CTDSPL: variants seen among roughly 807,000 people sequenced by gnomAD.
CTDSPL encodes the protein CTD small phosphatase like, also known as CTD small phosphatase-like protein.
CTDSPL carries 8 observed loss-of-function variants against 30.5 expected under a neutral mutation model. That is an observed-to-expected ratio of 0.26 (90% CI 0.15 to 0.47). The LOEUF is 0.47. Among genes scored for constraint, CTDSPL ranks in the 20% least tolerant of loss-of-function variants. CTDSPL has a pLI of 0.99. For missense variants in CTDSPL, 248 were observed against 366.1 expected, an observed-to-expected ratio of 0.68 and a Z score of 2.63; for synonymous variants, 110 against 137.9, an observed-to-expected ratio of 0.80 and a Z score of 1.42.
intron 1 of CTDSPL, among the ~76,000 whole-genome samples, chr3:37,903,494 T>G (rs1410254337): frequency 6.6e-6 from 1 of 152,162 alleles, no homozygotes; most frequent in Admixed American, 6.5e-5. Flanking sequence ...GAACTTATGT[T>G]CATTGACCAG....
chr3:37,926,512 A>G (rs2125612922), intron 1 of CTDSPL, among the ~76,000 whole-genome samples: 1 of 152,322 alleles, frequency 6.6e-6, no homozygotes, highest in Non-Finnish European at 1.5e-5. Context: ...GGAGGTGATT[A>G]TTCCTTTATT....
chr3:37,931,382 C>T (rs1698853576), intron 1 of CTDSPL, among the ~76,000 whole-genome samples: 2 of 152,076 alleles, frequency 1.3e-5, no homozygotes, highest in Admixed American at 6.6e-5. Flanking sequence ...CTCCTGGCCT[C>T]AAGTGAGCCT....
chr3:37,930,605 TAGATAA>T, intron 1 of CTDSPL, among the ~76,000 whole-genome samples: 1 of 152,282 alleles, frequency 6.6e-6, no homozygotes, highest in Non-Finnish European at 1.5e-5. Context: ...CCACCACACT[TAGATAA>T]TTAGTCTCTT....
intron 1 of CTDSPL, among the ~76,000 whole-genome samples, chr3:37,944,388 CT>C (rs2125621215): frequency 6.6e-6 from 1 of 150,424 alleles, no homozygotes; most frequent in East Asian, 1.9e-4. Context: ...GTCCATTAAA[CT>C]GAATTTTTAT....
intron 1 of CTDSPL, among the ~76,000 whole-genome samples, chr3:37,928,092 A>G (rs1698806351): frequency 6.6e-6 from 1 of 152,186 alleles, no homozygotes; most frequent in African/African-American, 2.4e-5. Flanking sequence ...TTTGAGGCTG[A>G]ATAATATTCC....
At chr3:37,929,138 T>C (rs768075771) in intron 1 of CTDSPL, among the ~76,000 whole-genome samples, 52 of 152,352 alleles carry the variant, frequency 3.4e-4, no homozygotes, top group Middle Eastern at 3.4e-3. Flanking sequence ...TTGGTCTATG[T>C]GTCTGTCTTT....
chr3:37,881,413 C>T, intron 1 of CTDSPL, among the ~76,000 whole-genome samples: 1 of 152,106 alleles, frequency 6.6e-6, no homozygotes, highest in East Asian at 1.9e-4. Context: ...CCTGTAATCC[C>T]AGCTACTCGG....
intron 1 of CTDSPL, among the ~76,000 whole-genome samples, chr3:37,884,953 G>C (rs926735275): frequency 6.6e-6 from 1 of 152,134 alleles, no homozygotes; most frequent in African/African-American, 2.4e-5. Flanking sequence ...GGATTTGATG[G>C]GGTGTGGGCA....
At chr3:37,918,112 A>G (rs1446827979) in intron 1 of CTDSPL, among the ~76,000 whole-genome samples, 3 of 152,200 alleles carry the variant, frequency 2.0e-5, no homozygotes, top group Non-Finnish European at 4.4e-5. Flanking sequence ...CATATGCTAA[A>G]TAAACCCAGT....
chr3:37,913,129 TGGGCAACA>T (rs1698602308), intron 1 of CTDSPL, among the ~76,000 whole-genome samples: 1 of 152,130 alleles, frequency 6.6e-6, no homozygotes, highest in African/African-American at 2.4e-5. Context: ...GAGACCAGCC[TGGGCAACA>T]TGGCAAAACC....
chr3:37,867,272 G>A (rs1182472490), intron 1 of CTDSPL, among the ~76,000 whole-genome samples: 2 of 152,062 alleles, frequency 1.3e-5, no homozygotes, highest in African/African-American at 4.8e-5. Flanking sequence ...ATTCATCCAG[G>A]TTGTTCCTTG....
intron 6 of CTDSPL, among the ~76,000 whole-genome samples, chr3:37,973,903 G>C (rs1446064344): frequency 3.3e-5 from 5 of 152,250 alleles, no homozygotes; most frequent in Non-Finnish European, 7.3e-5. Flanking sequence ...GCTACCACAA[G>C]TGTTCATGAT....
intron 1 of CTDSPL, among the ~76,000 whole-genome samples, chr3:37,896,360 G>A (rs994989539): frequency 2.0e-5 from 3 of 152,088 alleles, no homozygotes; most frequent in Non-Finnish European, 2.9e-5. Flanking sequence ...CCAAGGGGGC[G>A]GAAGGATATC....
At chr3:37,967,922 T>C in intron 5 of CTDSPL, 40 bp downstream of exon 5, 1 of 1,333,616 alleles carries the variant, frequency 7.5e-7, no homozygotes, top group Non-Finnish European at 1.1e-6. Flanking sequence ...AATTAAGATT[T>C]TTTAGTACTT....
chr3:37,940,784 A>G (rs544290817), intron 1 of CTDSPL, among the ~76,000 whole-genome samples: 2 of 150,468 alleles, frequency 1.3e-5, no homozygotes, highest in East Asian at 1.9e-4. Context: ...AACTTTTACC[A>G]GAAAGAAGGG....
intron 7 of CTDSPL, among the ~76,000 whole-genome samples, chr3:37,977,128 T>C (rs576988327): frequency 3.3e-5 from 5 of 152,374 alleles, no homozygotes; most frequent in African/African-American, 1.2e-4. Flanking sequence ...TTCATTTTAC[T>C]GAGTAAATCA....
chr3:37,983,930 T>A lies in CTDSPL; in HGVS notation c.*3063T>A, dbSNP rs1168234021. Reference sequence around the variant, plus strand: ...CGAGGATGCCCTAATGATGCTGACTTGTCATGGTTGCAGCATTTGAACTTT... The same window carrying A: ...CGAGGATGCCCTAATGATGCTGACTAGTCATGGTTGCAGCATTTGAACTTT... On this transcript the variant is annotated 3_prime_UTR_variant, in exon 8 of 8. Coordinates refer to ENST00000273179, the MANE Select transcript of CTDSPL (RefSeq NM_001008392.2). 1 of 216,548 alleles carries A rather than the reference T, an allele frequency of 4.6e-6. No homozygotes were observed. The highest frequency in any genetic ancestry group is 9.8e-6 in the Non-Finnish European group (1 of 102,026). The allele number at this position is 216,548 out of a possible 1,614,324, so 13.4% of individuals were successfully genotyped here. A position where few individuals can be genotyped will look rare whatever the true frequency, so the allele number is the denominator to read the frequency against.
At chr3:37,917,207 G>A (rs1698659349) in intron 1 of CTDSPL, among the ~76,000 whole-genome samples, 2 of 152,196 alleles carry the variant, frequency 1.3e-5, no homozygotes, top group African/African-American at 4.8e-5. Context: ...AGTACGGACA[G>A]AGACAAACAC....
At chr3:37,901,924 C>G (rs2125601524) in intron 1 of CTDSPL, among the ~76,000 whole-genome samples, 1 of 152,346 alleles carries the variant, frequency 6.6e-6, no homozygotes, top group African/African-American at 2.4e-5. Context: ...GGACTCATCT[C>G]TTATCTTCCT....
Sources: gnomAD v4.1 joint callset for allele counts (sites outside exome capture counted in the v4.1 genomes callset) on GRCh38, gnomAD v4.1.1 for gene constraint, MANE v1.5 for transcripts, NCBI Gene and HGNC (gene_info 2026-07-23, HGNC 2026-07-21) for gene names.